Variants in TBX20 observed in about 807,000 individuals in gnomAD.
The protein encoded by TBX20 is T-box transcription factor 20, also known as T-box transcription factor TBX20.
In TBX20, 8 loss-of-function variants were observed where a neutral mutation model predicts 42.9. That is an observed-to-expected ratio of 0.19 (90% CI 0.11 to 0.34). TBX20 has a LOEUF of 0.34. Among genes scored for constraint, TBX20 ranks in the 10% least tolerant of loss-of-function variants. The pLI is 1.00. For synonymous variants in TBX20, 198 were observed against 222.8 expected (o/e 0.89, Z 0.99); for missense variants, 411 against 566.0 (o/e 0.73, Z 2.78).
At chr7:35,232,996 G>A (rs957651085) in intron 5 of TBX20, among the ~76,000 whole-genome samples, 2 of 152,138 alleles carry the variant, frequency 1.3e-5, no homozygotes, top group Non-Finnish European at 2.9e-5. Flanking sequence ...CTCCAGCCTG[G>A]GCGACAAGAG....
Position 35,248,926 on chromosome 7 carries a change from G to C in TBX20, c.381-85C>G, listed in dbSNP as rs547818856. On this transcript the variant is annotated intron_variant, in intron 2 of 7. Transcript: ENST00000408931. The stretch of plus-strand genomic sequence containing the variant: ...ATTAGGAAGAGAGGAAGGGAGGGAG[G>C]GAAGGAGGGAAAGGGTCTGACTCCC... 1,368 of 1,548,142 alleles carry C rather than the reference G, an allele frequency of 8.8e-4. 3 individuals are homozygous for C. Among genetic ancestry groups the C allele is most frequent in the Non-Finnish European group, 1.1e-3 (1,254 of 1,125,864 alleles).
At chr7:35,242,477 A>G (rs1201732978) in intron 4 of TBX20, among the ~76,000 whole-genome samples, 1 of 152,214 alleles carries the variant, frequency 6.6e-6, no homozygotes, top group Non-Finnish European at 1.5e-5. Context: ...AGCAAAACCA[A>G]ACATTTTCCT....
chr7:35,228,821 G>A (rs1298303531), intron 6 of TBX20, among the ~76,000 whole-genome samples: 1 of 152,158 alleles, frequency 6.6e-6, no homozygotes, highest in East Asian at 1.9e-4. Flanking sequence ...GTTGACCACA[G>A]TAGGTATATT....
chr7:35,242,575 C>T (rs1316399130), intron 4 of TBX20, among the ~76,000 whole-genome samples: 1 of 152,142 alleles, frequency 6.6e-6, no homozygotes, highest in Non-Finnish European at 1.5e-5. Context: ...CACCCACCCA[C>T]CCATACGTAC....
intron 6 of TBX20, among the ~76,000 whole-genome samples, chr7:35,208,459 T>C (rs1789436604): frequency 1.3e-5 from 2 of 152,134 alleles, no homozygotes; most frequent in South Asian, 4.1e-4. Context: ...GTGGTAAGAA[T>C]GGGCCAGGCA....
In TBX20 at chr7:35,248,846, CAG is replaced by C. The variant is rs147314121; in HGVS notation, c.381-7_381-6del. ...CGGATGGTTGGAAACATCCTCCTGACAGAGAGAGAGAGAGAGAATGGGCCCTG... is the reference window on the plus strand; with the variant it reads ...CGGATGGTTGGAAACATCCTCCTGACAGAGAGAGAGAGAGAATGGGCCCTG... On this transcript the variant is annotated splice_region_variant and splice_polypyrimidine_tract_variant and intron_variant, in intron 2 of 7. Transcript: ENST00000408931. The C allele has an allele frequency of 0.013, 13,705 of 1,035,386 alleles. No homozygotes were observed. The highest frequency in any genetic ancestry group is 0.017 in the East Asian group (420 of 25,344). 64.1% of individuals were successfully genotyped at this position (1,035,386 alleles called of 1,614,324 possible).
At chr7:35,221,414 AC>A in intron 6 of TBX20, among the ~76,000 whole-genome samples, 1 of 152,210 alleles carries the variant, frequency 6.6e-6, no homozygotes, top group Middle Eastern at 3.4e-3. Context: ...TAATAAAAAC[AC>A]TACAACTGAA....
At position 35,217,836 on chromosome 7, in the gene TBX20, T is replaced by C. The variant is rs191747402; in HGVS notation, c.891-13254A>G. Among the ~76,000 whole-genome samples the C allele has an allele frequency of 2.8e-4, 43 of 152,296 alleles. 1 individual carries two copies. The East Asian group carries it at 7.9e-3, about 28-fold the overall frequency. On this transcript the variant is annotated intron_variant, in intron 6 of 7. Coordinates refer to ENST00000408931, the MANE Select transcript of TBX20 (RefSeq NM_001077653.2). ...CCCTGGTTCAAGTGATTGTCCTGCCTCAGCCTCCCGAGTAGCTGGGATTAC... is the reference window on the plus strand; with the variant it reads ...CCCTGGTTCAAGTGATTGTCCTGCCCCAGCCTCCCGAGTAGCTGGGATTAC...
intron 5 of TBX20, among the ~76,000 whole-genome samples, chr7:35,237,481 A>C (rs2215614): frequency 0.36 from 55,009 of 151,180 alleles, 10,248 homozygotes; most frequent in Admixed American, 0.46. Flanking sequence ...AATATGCTTA[A>C]AGAGTGTTTA....
At chr7:35,222,276 T>C (rs531811334) in intron 6 of TBX20, among the ~76,000 whole-genome samples, 3 of 152,130 alleles carry the variant, frequency 2.0e-5, no homozygotes, top group Non-Finnish European at 4.4e-5. Flanking sequence ...ATATAGCCCA[T>C]TGTCTGACAC....
chr7:35,204,804 T>A (rs1318534806), intron 6 of TBX20, among the ~76,000 whole-genome samples: 4 of 152,162 alleles, frequency 2.6e-5, no homozygotes, highest in South Asian at 2.1e-4. Flanking sequence ...CATGACTGAC[T>A]AGGACAAGGA....
chr7:35,219,169 CTG>C (rs1789639684), intron 6 of TBX20, among the ~76,000 whole-genome samples: 3 of 152,136 alleles, frequency 2.0e-5, no homozygotes, highest in Admixed American at 2.0e-4. Flanking sequence ...CTAGTCTGCT[CTG>C]TGACTCCTCT....
chr7:35,232,762 C>T (rs1256569795), intron 5 of TBX20, among the ~76,000 whole-genome samples: 2 of 152,186 alleles, frequency 1.3e-5, no homozygotes, highest in Admixed American at 6.5e-5. Context: ...CTGTGGCTCA[C>T]GCCTGTAATC....
intron 6 of TBX20, among the ~76,000 whole-genome samples, chr7:35,216,712 G>T (rs1789597328): frequency 6.6e-6 from 1 of 152,106 alleles, no homozygotes; most frequent in African/African-American, 2.4e-5. Context: ...CCTTATACAT[G>T]CCAGAGAAGA....
At chr7:35,218,603 A>G (rs1180535102) in intron 6 of TBX20, among the ~76,000 whole-genome samples, 1 of 152,250 alleles carries the variant, frequency 6.6e-6, no homozygotes, top group Non-Finnish European at 1.5e-5. Context: ...TATGTGAGAA[A>G]GAATAAAGCA....
At chr7:35,224,562 C>T (rs1201074490) in intron 6 of TBX20, among the ~76,000 whole-genome samples, 1 of 152,130 alleles carries the variant, frequency 6.6e-6, no homozygotes, top group Non-Finnish European at 1.5e-5. Flanking sequence ...ATCCCAGCTA[C>T]TAGGGAGGCT....
intron 5 of TBX20, among the ~76,000 whole-genome samples, chr7:35,232,870 A>G (rs1243278627): frequency 6.6e-6 from 1 of 152,118 alleles, no homozygotes; most frequent in African/African-American, 2.4e-5. Context: ...TAAAAATAAA[A>G]AATTAGCCAG....
chr7:35,217,799 C>A (rs970639217), intron 6 of TBX20, among the ~76,000 whole-genome samples: 4 of 152,238 alleles, frequency 2.6e-5, no homozygotes, highest in East Asian at 1.9e-4. Context: ...TGGCTCACTG[C>A]AACCACCACC....
intron 6 of TBX20, among the ~76,000 whole-genome samples, chr7:35,206,565 A>G (rs1289531689): frequency 6.6e-6 from 1 of 152,212 alleles, no homozygotes; most frequent in Admixed American, 6.5e-5. Flanking sequence ...AAAAATAGAA[A>G]TAAAGTGTAT....
Sources: allele counts gnomAD v4.1 joint callset (sites outside exome capture counted in the v4.1 genomes callset), GRCh38; gene constraint gnomAD v4.1.1; transcripts MANE v1.5; gene names NCBI Gene and HGNC (gene_info 2026-07-23, HGNC 2026-07-21).